Variants in ZBTB20 observed in about 807,000 individuals in gnomAD.
ZBTB20 encodes the protein zinc finger and BTB domain containing 20, also known as zinc finger and BTB domain-containing protein 20.
ZBTB20 carries 9 observed loss-of-function variants against 56.9 expected under a neutral mutation model. The observed-to-expected ratio is 0.16, with a 90% CI of 0.10 to 0.28. The LOEUF (loss-of-function observed/expected upper bound fraction) is 0.28, where lower values mean the gene tolerates loss of function less well. Among genes scored for constraint, ZBTB20 ranks in the 10% least tolerant of loss-of-function variants. ZBTB20 has a pLI of 1.00. For missense variants in ZBTB20, 655 were observed against 1,003.0 expected (o/e 0.65, Z 4.69); for synonymous variants, 417 against 420.7 (o/e 0.99, Z 0.11).
intron 7 of ZBTB20, among the ~76,000 whole-genome samples, chr3:114,451,747 C>T (rs1193110477): frequency 1.3e-5 from 2 of 152,148 alleles, no homozygotes; most frequent in African/African-American, 4.8e-5. Context: ...CAGGACACGT[C>T]GCCAAGAACT....
At chr3:114,810,403 T>G (rs2072432843) in intron 4 of ZBTB20, among the ~76,000 whole-genome samples, 2 of 152,194 alleles carry the variant, frequency 1.3e-5, no homozygotes, top group Non-Finnish European at 2.9e-5. Context: ...TGTCACTGTT[T>G]TGACCACACC....
chr3:115,022,410 A>T (rs550342190), intron 2 of ZBTB20, among the ~76,000 whole-genome samples: 1 of 151,168 alleles, frequency 6.6e-6, no homozygotes, highest in East Asian at 1.9e-4. Flanking sequence ...AATATTGCAC[A>T]ATGTGCGAAC....
intron 7 of ZBTB20, among the ~76,000 whole-genome samples, chr3:114,421,042 A>C (rs1028447150): frequency 6.6e-6 from 1 of 152,136 alleles, no homozygotes; most frequent in Non-Finnish European, 1.5e-5. Context: ...TGTTAATAAG[A>C]AGCTTATATT....
At chr3:114,773,282 G>T (rs1360303428) in intron 5 of ZBTB20, among the ~76,000 whole-genome samples, 1 of 152,096 alleles carries the variant, frequency 6.6e-6, no homozygotes, top group Non-Finnish European at 1.5e-5. Context: ...TAATAAATTT[G>T]TATTGTCATA....
chr3:114,454,465 A>C (rs1576841699), intron 7 of ZBTB20: 2 of 140,760 alleles, frequency 1.4e-5, no homozygotes, highest in Non-Finnish European at 1.5e-5. Flanking sequence ...CGCCCCTCTT[A>C]CCCCCCAACA....
intron 6 of ZBTB20, among the ~76,000 whole-genome samples, chr3:114,632,826 A>T (rs918291877): frequency 5.9e-5 from 9 of 152,206 alleles, no homozygotes; most frequent in African/African-American, 2.2e-4. Context: ...TTCCTTCACA[A>T]GCTTTCCTGA....
chr3:114,675,958 C>G (rs1276834913), intron 6 of ZBTB20, among the ~76,000 whole-genome samples: 1 of 17,648 alleles, frequency 5.7e-5, no homozygotes, highest in African/African-American at 6.1e-5. Context: ...CTCGCTAAAT[C>G]TTCACAACTC....
chr3:114,510,300 G>C (rs2045198268), intron 6 of ZBTB20, among the ~76,000 whole-genome samples: 1 of 152,160 alleles, frequency 6.6e-6, no homozygotes, highest in Admixed American at 6.6e-5. Flanking sequence ...TCTGACCAAT[G>C]AAGCCCAAAG....
chr3:114,539,988 T>A (rs1038099696), intron 6 of ZBTB20, among the ~76,000 whole-genome samples: 1 of 151,648 alleles, frequency 6.6e-6, no homozygotes, highest in Non-Finnish European at 1.5e-5. Flanking sequence ...TCATGGGGGT[T>A]GTACAGATTA....
At chr3:115,109,202 A>T (rs2083806330) in intron 1 of ZBTB20, among the ~76,000 whole-genome samples, 1 of 152,154 alleles carries the variant, frequency 6.6e-6, no homozygotes, top group Non-Finnish European at 1.5e-5. Context: ...ACATCTACAT[A>T]ATTTACTTAT....
At chr3:114,817,503 A>G (rs1362649425) in intron 4 of ZBTB20, among the ~76,000 whole-genome samples, 2 of 150,460 alleles carry the variant, frequency 1.3e-5, no homozygotes, top group Non-Finnish European at 3.0e-5. Flanking sequence ...GGGCAAAAAG[A>G]GAGAAACTCT....
chr3:114,776,731 T>G (rs1361643008), intron 5 of ZBTB20, among the ~76,000 whole-genome samples: 2 of 152,164 alleles, frequency 1.3e-5, no homozygotes, highest in Admixed American at 1.3e-4. Flanking sequence ...AGTCTCAGGT[T>G]GAAGGCACAG....
chr3:115,008,215 A>G (rs1243120735), intron 2 of ZBTB20, among the ~76,000 whole-genome samples: 1 of 151,918 alleles, frequency 6.6e-6, no homozygotes, highest in African/African-American at 2.4e-5. Context: ...CTTATGACAT[A>G]TCAAACTGCA....
chr3:115,039,566 T>C (rs2081060670), intron 2 of ZBTB20, among the ~76,000 whole-genome samples: 1 of 152,042 alleles, frequency 6.6e-6, no homozygotes, highest in Admixed American at 6.6e-5. Context: ...TACAATATGA[T>C]TCTATTAGTC....
chr3:114,963,892 C>T (rs1560442719), intron 3 of ZBTB20, among the ~76,000 whole-genome samples: 1 of 151,986 alleles, frequency 6.6e-6, no homozygotes, highest in East Asian at 1.9e-4. Flanking sequence ...GATAGTAAGC[C>T]GAGGGAAATT....
intron 3 of ZBTB20, among the ~76,000 whole-genome samples, chr3:114,916,434 T>A (rs935560023): frequency 1.3e-5 from 2 of 152,122 alleles, no homozygotes; most frequent in Non-Finnish European, 2.9e-5. Context: ...ATTACGTACA[T>A]ACCAGTAGTA....
chr3:114,792,829 C>A (rs1002700530), intron 5 of ZBTB20, among the ~76,000 whole-genome samples: 3 of 151,864 alleles, frequency 2.0e-5, no homozygotes, highest in Admixed American at 1.3e-4. Context: ...ACAGTGCTAG[C>A]AATTCATAAG....
intron 6 of ZBTB20, among the ~76,000 whole-genome samples, chr3:114,564,529 C>G (rs2052489890): frequency 6.6e-6 from 1 of 152,174 alleles, no homozygotes; most frequent in African/African-American, 2.4e-5. Context: ...GTACAACTCT[C>G]CAGTTTCTCT....
At chr3:114,842,501 C>G (rs1379712499) in intron 4 of ZBTB20, among the ~76,000 whole-genome samples, 1 of 152,172 alleles carries the variant, frequency 6.6e-6, no homozygotes, top group African/African-American at 2.4e-5. Context: ...CACCAAGTCT[C>G]TACCTTCACG....
Sources: gnomAD v4.1 joint callset for allele counts (sites outside exome capture counted in the v4.1 genomes callset) on GRCh38, gnomAD v4.1.1 for gene constraint, MANE v1.5 for transcripts, NCBI Gene and HGNC (gene_info 2026-07-23, HGNC 2026-07-21) for gene names.